Variants in RPS6KC1 observed in about 807,000 individuals in gnomAD.
The protein encoded by RPS6KC1 is ribosomal protein S6 kinase C1.
Under a neutral mutation model 103.8 loss-of-function variants are expected in RPS6KC1, and 54 were observed. That is an observed-to-expected ratio of 0.52 (90% CI 0.42 to 0.65). The LOEUF is 0.65. RPS6KC1 is among the 30% of genes least tolerant of loss of function. The probability of loss-of-function intolerance (pLI) is 0.00; values close to 1 mark genes in which losing one functional copy is unlikely to be tolerated. For missense variants in RPS6KC1, 1,151 were observed against 1,253.8 expected (o/e 0.92, Z 1.24); for synonymous variants, 439 against 438.7 (o/e 1.00, Z -0.01).
chr1:213,540,258 A>G, the RPS6KC1 span, among the ~76,000 whole-genome samples: 3 of 152,184 alleles, frequency 2.0e-5, no homozygotes, highest in Non-Finnish European at 4.4e-5. Flanking sequence ...CCCAAATAGC[A>G]AGGACTACAG....
At chr1:213,664,730 C>T in the RPS6KC1 span, among the ~76,000 whole-genome samples, 1 of 152,066 alleles carries the variant, frequency 6.6e-6, no homozygotes, top group Admixed American at 6.5e-5. Context: ...CCTTGGTCCA[C>T]GACTTTGTGG....
chr1:213,361,136 G>T, the RPS6KC1 span, among the ~76,000 whole-genome samples: 1 of 152,224 alleles, frequency 6.6e-6, no homozygotes, highest in Non-Finnish European at 1.5e-5. Context: ...CTTTTGTTCA[G>T]CTATGCCCTG....
the RPS6KC1 span, among the ~76,000 whole-genome samples, chr1:213,407,215 C>CGT: frequency 7.7e-5 from 3 of 38,804 alleles, no homozygotes; most frequent in African/African-American, 1.8e-4. Context: ...TACATGCACG[C>CGT]GCGCACACAC....
the RPS6KC1 span, among the ~76,000 whole-genome samples, chr1:213,704,588 T>C: frequency 6.6e-6 from 1 of 152,200 alleles, no homozygotes; most frequent in Non-Finnish European, 1.5e-5. Context: ...AATGCTCTGT[T>C]TGAAAGTTCA....
Position 213,091,400 on chromosome 1 carries a change from T to TA in RPS6KC1, c.263-13053dup, listed in dbSNP as rs1424852560. ...AATACCTTTTTCAGATAATTAAAGG[T>TA]ATTCTTTGATACACCAAAACTTGAT... On this transcript the variant is annotated intron_variant, in intron 3 of 14. Transcript: ENST00000366960. 8.5e-5 allele frequency among the ~76,000 whole-genome samples: 13 copies of TA among 152,250 alleles called. No homozygotes were observed. In the South Asian group the frequency reaches 2.3e-3, roughly 27 times the overall value.
chr1:213,722,427 C>T, the RPS6KC1 span, among the ~76,000 whole-genome samples: 7 of 152,162 alleles, frequency 4.6e-5, no homozygotes, highest in Admixed American at 1.3e-4. Context: ...CCCAATATTA[C>T]AATTACAGGA....
intron 7 of RPS6KC1, among the ~76,000 whole-genome samples, chr1:213,172,931 C>G (rs886341104): frequency 1.3e-5 from 2 of 152,178 alleles, no homozygotes; most frequent in African/African-American, 4.8e-5. Context: ...ATCATATTAC[C>G]TAGAAATACA....
chr1:213,299,585 A>G, the RPS6KC1 span, among the ~76,000 whole-genome samples: 6 of 150,398 alleles, frequency 4.0e-5, no homozygotes, highest in Non-Finnish European at 5.9e-5. Context: ...GTCGTGAGCC[A>G]CATGTGCAAT....
chr1:213,761,329 G>A, the RPS6KC1 span, among the ~76,000 whole-genome samples: 1 of 152,190 alleles, frequency 6.6e-6, no homozygotes, highest in African/African-American at 2.4e-5. Flanking sequence ...TTTGGTGACA[G>A]GAAATGCTGC....
At chr1:213,111,103 C>T (rs536300998) in intron 4 of RPS6KC1, among the ~76,000 whole-genome samples, 1 of 152,056 alleles carries the variant, frequency 6.6e-6, no homozygotes, top group Admixed American at 6.5e-5. Context: ...CACAGACGTC[C>T]ATAGTTCTTA....
At chr1:213,258,704 G>A (rs140876643) in intron 12 of RPS6KC1, among the ~76,000 whole-genome samples, 24 of 152,280 alleles carry the variant, frequency 1.6e-4, no homozygotes, top group African/African-American at 5.5e-4. Flanking sequence ...TTCATCGCTT[G>A]TTTTAGACTG....
chr1:213,423,287 T>C, the RPS6KC1 span, among the ~76,000 whole-genome samples: 1 of 152,194 alleles, frequency 6.6e-6, no homozygotes, highest in Non-Finnish European at 1.5e-5. Context: ...GAAATGCGCC[T>C]CAGGTAGCAG....
chr1:213,156,825 G>C (rs2148019181), intron 6 of RPS6KC1, among the ~76,000 whole-genome samples: 1 of 152,076 alleles, frequency 6.6e-6, no homozygotes, highest in Admixed American at 6.5e-5. Context: ...TGATTTTCTT[G>C]GTCAGTCTAC....
At chr1:213,543,682 T>A in the RPS6KC1 span, among the ~76,000 whole-genome samples, 1 of 152,204 alleles carries the variant, frequency 6.6e-6, no homozygotes, top group Non-Finnish European at 1.5e-5. Context: ...TGGGAAACCA[T>A]CCCAGTTCAG....
At chr1:213,288,118 T>C in the RPS6KC1 span, among the ~76,000 whole-genome samples, 3 of 152,220 alleles carry the variant, frequency 2.0e-5, no homozygotes, top group African/African-American at 7.2e-5. Context: ...TCTTATTCTG[T>C]TCCACCCATC....
At chr1:213,352,376 T>C in the RPS6KC1 span, among the ~76,000 whole-genome samples, 208 of 152,306 alleles carry the variant, frequency 1.4e-3, 1 homozygote, top group Non-Finnish European at 1.6e-3. Context: ...AATTATTAAT[T>C]GAAACATGCA....
chr1:213,120,766 T>G (rs1194997919), intron 5 of RPS6KC1, among the ~76,000 whole-genome samples: 10 of 152,298 alleles, frequency 6.6e-5, no homozygotes, highest in Middle Eastern at 3.4e-3. Flanking sequence ...GGGTAAATCT[T>G]AATATATAGT....
chr1:213,837,002 C>T, the RPS6KC1 span, among the ~76,000 whole-genome samples: 1 of 152,206 alleles, frequency 6.6e-6, no homozygotes, highest in Non-Finnish European at 1.5e-5. Flanking sequence ...AATTAAATCT[C>T]AACTGGTCTG....
the RPS6KC1 span, among the ~76,000 whole-genome samples, chr1:213,782,325 A>G: frequency 6.6e-6 from 1 of 152,170 alleles, no homozygotes; most frequent in Non-Finnish European, 1.5e-5. Context: ...CAAGACTTCA[A>G]ATGAACTTCA....
Sources: allele counts gnomAD v4.1 joint callset (sites outside exome capture counted in the v4.1 genomes callset), GRCh38; gene constraint gnomAD v4.1.1; transcripts MANE v1.5; gene names NCBI Gene and HGNC (gene_info 2026-07-23, HGNC 2026-07-21).